Variants in CNTN1 observed in about 807,000 individuals in gnomAD.
CNTN1 encodes contactin-1.
A neutral mutation model predicts 126.4 loss-of-function variants in CNTN1; 38 were observed. The ratio of observed to expected loss-of-function variants is 0.30; its 90% CI spans 0.23 to 0.39. The LOEUF (loss-of-function observed/expected upper bound fraction) is 0.39, where lower values mean the gene tolerates loss of function less well. Ranked by LOEUF, CNTN1 falls within the 10% of genes least tolerant of loss-of-function variation. The pLI is 1.00. For missense variants in CNTN1, 1,009 were observed against 1,248.4 expected (o/e 0.81, Z 2.89); for synonymous variants, 413 against 422.6 (o/e 0.98, Z 0.28).
At chr12:40,792,950 T>TG (rs1198201701) in intron 1 of CNTN1, among the ~76,000 whole-genome samples, 2 of 152,004 alleles carry the variant, frequency 1.3e-5, no homozygotes. Context: ...CTTCCCTTTG[T>TG]GGGGGGAGAT....
chr12:40,815,773 A>G (rs1039885366), intron 1 of CNTN1, among the ~76,000 whole-genome samples: 2 of 152,108 alleles, frequency 1.3e-5, no homozygotes, highest in Non-Finnish European at 2.9e-5. Context: ...TCTACATGAC[A>G]TTGTCTGTAG....
At chr12:40,992,190 G>T (rs1948111066) in intron 16 of CNTN1, among the ~76,000 whole-genome samples, 1 of 152,152 alleles carries the variant, frequency 6.6e-6, no homozygotes, top group African/African-American at 2.4e-5. Context: ...TTAAAATTAT[G>T]GCAGGGTGAG....
intron 15 of CNTN1, among the ~76,000 whole-genome samples, chr12:40,959,896 T>C (rs2137009282): frequency 6.6e-6 from 1 of 152,230 alleles, no homozygotes; most frequent in Middle Eastern, 3.4e-3. Flanking sequence ...AAGTACCATG[T>C]GTTGACCCCA....
intron 23 of CNTN1, among the ~76,000 whole-genome samples, chr12:41,049,277 T>C (rs755798036): frequency 2.0e-5 from 3 of 152,214 alleles, no homozygotes; most frequent in Non-Finnish European, 4.4e-5. Flanking sequence ...TGACATGTAT[T>C]TGTAGAAAAC....
At chr12:40,786,133 C>T (rs6581956) in intron 1 of CNTN1, among the ~76,000 whole-genome samples, 146,596 of 152,316 alleles carry the variant, frequency 0.96, 70,789 homozygotes, top group East Asian at 1. Context: ...TTATATTTCT[C>T]TCTTGAGACT....
At chr12:40,998,466 T>C (rs1948275327) in intron 17 of CNTN1, among the ~76,000 whole-genome samples, 1 of 152,144 alleles carries the variant, frequency 6.6e-6, no homozygotes, top group Non-Finnish European at 1.5e-5. Context: ...ACAATTTCTA[T>C]CTGATGAGAC....
At chr12:41,062,905 T>C (rs1270494368) in intron 23 of CNTN1, among the ~76,000 whole-genome samples, 1 of 152,158 alleles carries the variant, frequency 6.6e-6, no homozygotes, top group Non-Finnish European at 1.5e-5. Context: ...ACAAACACAA[T>C]TCAGTAATTT....
chr12:40,727,140 T>C (rs1391409313), intron 1 of CNTN1, among the ~76,000 whole-genome samples: 1 of 150,968 alleles, frequency 6.6e-6, no homozygotes, highest in African/African-American at 2.4e-5. Context: ...TACACTATAA[T>C]AAATGTGATG....
In CNTN1 at chr12:40,971,770, T is replaced by C. The variant is rs909206901; in HGVS notation, c.1805-9139T>C. On this transcript the variant is annotated intron_variant, in intron 15 of 23. Transcript: ENST00000551295. ...ATTATATAATGGCCAAGTGAAAGTT[T>C]TGTGTTTTCATGTCCTGTTTTTCTT... 3.3e-6 allele frequency: 4 copies of C among 1,224,738 alleles called. No individual in the cohort carries two copies. In the Admixed American group the frequency reaches 1.8e-4, roughly 56 times the overall value. The allele number at this position is 1,224,738 out of a possible 1,614,324, so 75.9% of individuals were successfully genotyped here.
At chr12:40,813,583 T>G (rs1217388400) in intron 1 of CNTN1, among the ~76,000 whole-genome samples, 4 of 152,168 alleles carry the variant, frequency 2.6e-5, no homozygotes, top group Admixed American at 2.6e-4. Context: ...TTTTCTTTAT[T>G]CAGTCTATCA....
chr12:40,781,071 A>T (rs1169762182), intron 1 of CNTN1, among the ~76,000 whole-genome samples: 1 of 151,994 alleles, frequency 6.6e-6, no homozygotes, highest in Non-Finnish European at 1.5e-5. Flanking sequence ...AACCAAATAG[A>T]TGAAATAAAT....
chr12:40,926,453 T>C (rs572654420), intron 6 of CNTN1, among the ~76,000 whole-genome samples: 1 of 152,094 alleles, frequency 6.6e-6, no homozygotes, highest in African/African-American at 2.4e-5. Context: ...AGAAATGAAA[T>C]AAGAGAGGTA....
intron 1 of CNTN1, among the ~76,000 whole-genome samples, chr12:40,773,694 C>CATATAT: frequency 1.2e-4 from 1 of 8,578 alleles, no homozygotes; most frequent in Admixed American, 1.4e-3. Flanking sequence ...TATATATATA[C>CATATAT]ACATATATAT....
At chr12:40,802,822 C>T (rs1346226203) in intron 1 of CNTN1, among the ~76,000 whole-genome samples, 1 of 151,966 alleles carries the variant, frequency 6.6e-6, no homozygotes, top group African/African-American at 2.4e-5. Context: ...CTTGGCACTC[C>T]TGAAAGTCAG....
chr12:40,740,121 A>G (rs942147140), intron 1 of CNTN1, among the ~76,000 whole-genome samples: 6 of 152,078 alleles, frequency 3.9e-5, no homozygotes, highest in African/African-American at 1.4e-4. Context: ...TGAGTGATGA[A>G]AAATAAAGGG....
chr12:41,040,899 C>A (rs1949388621), intron 23 of CNTN1, among the ~76,000 whole-genome samples: 1 of 143,374 alleles, frequency 7.0e-6, no homozygotes, highest in Non-Finnish European at 1.5e-5. Flanking sequence ...AATTGACTAC[C>A]CTTTATTTCC....
intron 7 of CNTN1, among the ~76,000 whole-genome samples, chr12:40,931,749 G>T (rs557249654): frequency 1.3e-5 from 2 of 151,964 alleles, no homozygotes; most frequent in East Asian, 1.9e-4. Context: ...GGGGAGTTTT[G>T]GGAATAATGC....
At chr12:40,939,221 C>CGAGAT (rs1348913071) in intron 11 of CNTN1, 114 bp from the exon 12 acceptor site, 1 of 1,138,808 alleles carries the variant, frequency 8.8e-7, no homozygotes, top group African/African-American at 1.6e-5. Flanking sequence ...TCATATTTAC[C>CGAGAT]GAGATTAATC....
chr12:40,781,309 G>A (rs924313060), intron 1 of CNTN1, among the ~76,000 whole-genome samples: 5 of 151,944 alleles, frequency 3.3e-5, no homozygotes, highest in African/African-American at 1.2e-4. Context: ...GCCACCAGAA[G>A]ACACAATAGC....
Sources: allele counts gnomAD v4.1 joint callset (sites outside exome capture counted in the v4.1 genomes callset), GRCh38; gene constraint gnomAD v4.1.1; transcripts MANE v1.5; gene names NCBI Gene and HGNC (gene_info 2026-07-23, HGNC 2026-07-21).